KANK1: variants seen among roughly 807,000 people sequenced by gnomAD.
The protein encoded by KANK1 is KN motif and ankyrin repeat domains 1.
A neutral mutation model predicts 106.2 loss-of-function variants in KANK1; 109 were observed. The ratio of observed to expected loss-of-function variants is 1.03; its 90% CI spans 0.88 to 1.20. The LOEUF is 1.20. KANK1 is among the 50% of genes most tolerant of loss of function. The probability of loss-of-function intolerance (pLI) is 0.00; values close to 1 mark genes in which losing one functional copy is unlikely to be tolerated. For missense variants in KANK1, 2,399 were observed against 1,710.7 expected (o/e 1.40, Z -7.10); for synonymous variants, 873 against 652.2 (o/e 1.34, Z -5.16).
chr9:590,399 C>T (rs1479764797), intron 1 of KANK1, among the ~76,000 whole-genome samples: 10 of 152,152 alleles, frequency 6.6e-5, no homozygotes, highest in Non-Finnish European at 5.9e-5. Context: ...CTCCAGTCTA[C>T]GCTGCCTCCT....
At chr9:740,713 A>T (rs1161762039) in intron 8 of KANK1, 79 bp from the exon 9 acceptor site, 1 of 1,469,138 alleles carries the variant, frequency 6.8e-7, no homozygotes, top group Non-Finnish European at 9.2e-7. Flanking sequence ...TGTAAACACC[A>T]TCCCTTCAGT....
At chr9:695,925 G>T (rs1351503765) in intron 2 of KANK1, among the ~76,000 whole-genome samples, 1 of 152,172 alleles carries the variant, frequency 6.6e-6, no homozygotes, top group Non-Finnish European at 1.5e-5. Context: ...ATGCCTAGAT[G>T]TGGGGCTTTA....
chr9:744,382 T>C, intron 10 of KANK1, 109 bp from the exon 11 acceptor site: 1 of 1,268,240 alleles, frequency 7.9e-7, no homozygotes, highest in Non-Finnish European at 1.1e-6. Context: ...CGAGTAGGGA[T>C]ATTTGGGGAA....
Position 711,455 on chromosome 9 carries a change from C to G in KANK1, c.689C>G (p.Pro230Arg). The G allele has an allele frequency of 1.2e-6, 2 of 1,614,144 alleles. No individual in the cohort carries two copies. The highest frequency in any genetic ancestry group is 1.7e-6 in the Non-Finnish European group (2 of 1,180,024). Reference sequence around the variant, plus strand: ...TATGGTAGCTATGCCCCAGCTGCTCCCACCACTTCCTCCATGGGGAGCTCC... The same window carrying G: ...TATGGTAGCTATGCCCCAGCTGCTCGCACCACTTCCTCCATGGGGAGCTCC... Reference protein sequence around the residue: ...GDYGSYAPAAPTTSSMGSSIR... With the variant: ...GDYGSYAPAARTTSSMGSSIR... Residue 230 changes from proline (P) to arginine (R), a missense_variant, in exon 3 of 12, where the codon CCC becomes CGC. Coordinates refer to ENST00000382297, the MANE Select transcript of KANK1 (RefSeq NM_015158.5).
At chr9:497,862 C>G (rs2058481957) in intron 3 of KANK1, among the ~76,000 whole-genome samples, 1 of 139,648 alleles carries the variant, frequency 7.2e-6, no homozygotes, top group African/African-American at 3.3e-5. Flanking sequence ...TAACCCCCCA[C>G]ACACACACAC....
intron 1 of KANK1, among the ~76,000 whole-genome samples, chr9:604,014 G>A (rs1209353816): frequency 2.0e-5 from 3 of 149,206 alleles, no homozygotes; most frequent in South Asian, 2.1e-4. Flanking sequence ...TGGTTTCTTT[G>A]TCTTTGTTTT....
At chr9:632,575 T>A (rs990323826) in intron 1 of KANK1, among the ~76,000 whole-genome samples, 5 of 152,138 alleles carry the variant, frequency 3.3e-5, no homozygotes, top group African/African-American at 1.2e-4. Context: ...ACTGCCAAGG[T>A]GAGAGGCAGG....
chr9:505,404 G>C (rs2058706547), intron 1 of KANK1, among the ~76,000 whole-genome samples: 1 of 152,252 alleles, frequency 6.6e-6, no homozygotes. Context: ...CCCGGCGCGG[G>C]CAGCGTGGGT....
intron 3 of KANK1, among the ~76,000 whole-genome samples, chr9:726,270 T>C (rs925557405): frequency 6.6e-6 from 1 of 152,162 alleles, no homozygotes; most frequent in African/African-American, 2.4e-5. Flanking sequence ...AGCTGTGTTG[T>C]GGGGCAGGCC....
chr9:624,552 C>T (rs561015197), intron 1 of KANK1, among the ~76,000 whole-genome samples: 1 of 152,014 alleles, frequency 6.6e-6, no homozygotes, highest in African/African-American at 2.4e-5. Flanking sequence ...GCCTGTAATC[C>T]CAGCACTTTG....
At chr9:661,777 T>C (rs1321273075) in intron 1 of KANK1, among the ~76,000 whole-genome samples, 25 of 152,084 alleles carry the variant, frequency 1.6e-4, no homozygotes, top group African/African-American at 5.8e-4. Flanking sequence ...CACATCCTCT[T>C]TAGCACCTGT....
chr9:741,951 C>T (rs564688211), intron 9 of KANK1, among the ~76,000 whole-genome samples: 8 of 152,160 alleles, frequency 5.3e-5, no homozygotes, highest in African/African-American at 1.4e-4. Flanking sequence ...ACCTGAACTT[C>T]CAGCCCCTTA....
chr9:703,796 C>G (rs1009262001), intron 2 of KANK1, among the ~76,000 whole-genome samples: 1 of 151,980 alleles, frequency 6.6e-6, no homozygotes, highest in Non-Finnish European at 1.5e-5. Context: ...ACTGCAACCT[C>G]CACCTCTCTG....
intron 1 of KANK1, among the ~76,000 whole-genome samples, chr9:568,854 A>C (rs911533651): frequency 7.9e-5 from 12 of 152,200 alleles, no homozygotes; most frequent in African/African-American, 2.9e-4. Flanking sequence ...GTCAGAAGTC[A>C]CATTTTAAAA....
intron 3 of KANK1, among the ~76,000 whole-genome samples, chr9:494,474 G>T (rs558924539): frequency 1.3e-5 from 2 of 152,218 alleles, no homozygotes; most frequent in East Asian, 3.9e-4. Context: ...TTTGTACCTG[G>T]TTTGGTCTGT....
At position 519,048 on chromosome 9, in the gene KANK1, G is replaced by A. The variant is rs562375052; in HGVS notation, c.-84+14294G>A. ...TGGGATTACAGGCATGCACCACCAG[G>A]CCTGACTAATTTTGTATGTTTAATA... On this transcript the variant is annotated intron_variant, in intron 1 of 11. Transcript: ENST00000382297. Among the ~76,000 whole-genome samples the A allele has an allele frequency of 2.0e-3, 298 of 151,544 alleles. 12 individuals carry two copies. The highest frequency in any genetic ancestry group is 6.3e-3 in the African/African-American group (259 of 40,952).
At chr9:714,292 A>G (rs1446614816) in intron 3 of KANK1, among the ~76,000 whole-genome samples, 1 of 151,430 alleles carries the variant, frequency 6.6e-6, no homozygotes, top group African/African-American at 2.4e-5. Flanking sequence ...AGCGAGTGGT[A>G]GTGGTCAGGG....
At chr9:594,027 C>G (rs1038753381) in intron 1 of KANK1, among the ~76,000 whole-genome samples, 1 of 151,904 alleles carries the variant, frequency 6.6e-6, no homozygotes, top group Non-Finnish European at 1.5e-5. Context: ...ATGCAGCTGA[C>G]TGCCCTGGGG....
chr9:590,093 CTT>C (rs1245455320), intron 1 of KANK1, among the ~76,000 whole-genome samples: 3 of 152,290 alleles, frequency 2.0e-5, no homozygotes, highest in Non-Finnish European at 2.9e-5. Context: ...CAATAACCCT[CTT>C]GTTTCCAAAT....
Sources: gnomAD v4.1 joint callset for allele counts (sites outside exome capture counted in the v4.1 genomes callset) on GRCh38, gnomAD v4.1.1 for gene constraint, MANE v1.5 for transcripts, NCBI Gene and HGNC (gene_info 2026-07-23, HGNC 2026-07-21) for gene names.